Variants in FCN2 observed in about 807,000 individuals in gnomAD.
FCN2 encodes ficolin-2.
FCN2 carries 31 observed loss-of-function variants against 32.5 expected under a neutral mutation model. The ratio of observed to expected loss-of-function variants is 0.96; its 90% confidence interval spans 0.72 to 1.29. The LOEUF is 1.29. Ranked by LOEUF, FCN2 falls within the 50% of genes most tolerant of loss-of-function variation. The probability of loss-of-function intolerance (pLI) is 0.00; values close to 1 mark genes in which losing one functional copy is unlikely to be tolerated. For missense variants in FCN2, 412 were observed against 406.5 expected (o/e 1.01, Z -0.12); for synonymous variants, 181 against 164.5 (o/e 1.10, Z -0.77).
In FCN2 at chr9:134,887,376, T is replaced by C; in HGVS notation, c.903T>C (p.Tyr301=). Residue 301 remains tyrosine (Y), a synonymous_variant, in exon 8 of 8, where the codon TAT becomes TAC. Transcript: ENST00000291744. ...GGAAGTCGGGGAAAGGATACAATTATAGCTACAAGGTGTCAGAGATGAAGG... is the reference window on the plus strand; with the variant it reads ...GGAAGTCGGGGAAAGGATACAATTACAGCTACAAGGTGTCAGAGATGAAGG... ...INWKSGKGYN[Y]SYKVSEMKVR... is the part of the protein sequence containing the mutation. The C allele has an allele frequency of 3.1e-6, 5 of 1,614,086 alleles. No individual in the cohort carries two copies. The highest frequency in any genetic ancestry group is 1.6e-4 in the Middle Eastern group (1 of 6,062).
chr9:134,886,616 A>C (rs1830762415), intron 7 of FCN2, 52 bp downstream of exon 7: 11 of 1,604,848 alleles, frequency 6.9e-6, no homozygotes, highest in Admixed American at 1.7e-5. Flanking sequence ...GGGGTTTGGG[A>C]AGTGGAGAGA....
chr9:134,879,211 T>C (rs1564204971), upstream of FCN2, among the ~76,000 whole-genome samples: 2 of 152,232 alleles, frequency 1.3e-5, no homozygotes, highest in African/African-American at 2.4e-5. Context: ...AATTACTCAA[T>C]TGGCCATTTT....
Position 134,885,096 on chromosome 9 carries a change from C to T in FCN2, c.302-143C>T, listed in dbSNP as rs561309308. On this transcript the variant is annotated intron_variant, in intron 4 of 7. Transcript: ENST00000291744. ...ATCACAGCTGCGTGGCCCTGGGGGC[C>T]GTGTCCCTGTCCAGGCCTCAGAGTC... 3.7e-5 allele frequency: 46 copies of T among 1,230,000 alleles called. 1 individual carries two copies. In the African/African-American group the frequency reaches 5.3e-4, roughly 14 times the overall value. The allele number at this position is 1,230,000 out of a possible 1,614,324, so 76.2% of individuals were successfully genotyped here.
At chr9:134,868,016 GCTCAGAGGAGTTAAGTGATCTGCCA>G in the FCN2 span, among the ~76,000 whole-genome samples, 2 of 152,206 alleles carry the variant, frequency 1.3e-5, no homozygotes, top group Non-Finnish European at 2.9e-5. This position sits in a 1 kb window ranked among gnomAD's most constrained non-coding sequence, Gnocchi z 4.3. Context: ...AGAGCACAAA[GCTCAGAGGAGTTAAGTGATCTGCCA>G]CAGGACACAC....
chr9:134,868,462 T>G, the FCN2 span: 1 of 184,692 alleles, frequency 5.4e-6, no homozygotes, highest in East Asian at 1.4e-4. The surrounding 1 kb of genome is among the most constrained non-coding windows in gnomAD (Gnocchi z 4.3). Flanking sequence ...GAGATGAAGG[T>G]GCGGCCCACC....
At chr9:134,881,288 T>A (rs973567391) in intron 1 of FCN2, among the ~76,000 whole-genome samples, 1 of 152,126 alleles carries the variant, frequency 6.6e-6, no homozygotes, top group Admixed American at 6.5e-5. Context: ...ATGGTCGCCA[T>A]CACAGAGAGA....
chr9:134,869,816 C>G, the FCN2 span, among the ~76,000 whole-genome samples: 1 of 152,186 alleles, frequency 6.6e-6, no homozygotes. Flanking sequence ...CTCAGGTGCT[C>G]CTGATGCAGG....
chr9:134,871,736 G>A, the FCN2 span, among the ~76,000 whole-genome samples: 106 of 152,312 alleles, frequency 7.0e-4, 1 homozygote, highest in African/African-American at 2.1e-3. Flanking sequence ...AAGAGCCATC[G>A]GAAAGCTTAT....
Position 134,887,511 on chromosome 9 carries a change from TC to T in FCN2, c.*97del. 1 of 1,200,074 alleles carries T rather than the reference TC, an allele frequency of 8.3e-7. No individual in the cohort carries two copies. Among genetic ancestry groups the T allele is most frequent in the Non-Finnish European group, 1.2e-6 (1 of 825,572 alleles). The allele number at this position is 1,200,074 out of a possible 1,614,324, so 74.3% of individuals were successfully genotyped here. ...CTACGGTTTGTAAAAGAAACACATG[TC>T]GTGATTCTAAATTGGGTTTGTCTTG... On this transcript the variant is annotated 3_prime_UTR_variant, in exon 8 of 8. Coordinates refer to ENST00000291744, the MANE Select transcript of FCN2 (RefSeq NM_004108.3).
the FCN2 span, among the ~76,000 whole-genome samples, chr9:134,873,195 G>A: frequency 6.6e-5 from 10 of 151,720 alleles, no homozygotes; most frequent in Admixed American, 2.0e-4. Context: ...TTTATCAAAT[G>A]TATGTGATGC....
intron 7 of FCN2, 74 bp downstream of exon 7, chr9:134,886,638 G>A: frequency 1.3e-6 from 2 of 1,561,526 alleles, no homozygotes; most frequent in Admixed American, 1.7e-5. Context: ...CGTGCTCAGT[G>A]TCCTGGTAGC....
At chr9:134,874,496 G>A in the FCN2 span, among the ~76,000 whole-genome samples, 4 of 152,174 alleles carry the variant, frequency 2.6e-5, no homozygotes, top group African/African-American at 9.6e-5. Flanking sequence ...TTTCCTTTGT[G>A]CTTTTATCAA....
upstream of FCN2, among the ~76,000 whole-genome samples, chr9:134,877,934 T>C (rs192075014): frequency 6.6e-6 from 1 of 152,310 alleles, no homozygotes. Context: ...GAGATGAACA[T>C]TTGAGTCAGT....
At chr9:134,868,147 T>C in the FCN2 span, 3 of 152,008 alleles carry the variant, frequency 2.0e-5, no homozygotes, top group African/African-American at 7.3e-5. The surrounding 1 kb of genome is among the most constrained non-coding windows in gnomAD (Gnocchi z 4.3). Flanking sequence ...GCCCGAGGGG[T>C]GAGGACAGAC....
the FCN2 span, among the ~76,000 whole-genome samples, chr9:134,875,299 C>T: frequency 5.8e-4 from 88 of 152,316 alleles, no homozygotes; most frequent in Admixed American, 1.3e-3. Flanking sequence ...TACCATTCAA[C>T]GTGATGTGAA....
chr9:134,885,501 G>T, intron 5 of FCN2, 135 bp downstream of exon 5: 1 of 1,441,416 alleles, frequency 6.9e-7, no homozygotes, highest in Non-Finnish European at 9.3e-7. Flanking sequence ...GGAGATGACC[G>T]GTGGGTAAAA....
At chr9:134,875,737 C>T in the FCN2 span, among the ~76,000 whole-genome samples, 1 of 152,162 alleles carries the variant, frequency 6.6e-6, no homozygotes, top group African/African-American at 2.4e-5. Flanking sequence ...CAGTCTGCCC[C>T]TAAACTGAAC....
the FCN2 span, among the ~76,000 whole-genome samples, chr9:134,874,991 TATTC>T: frequency 6.6e-6 from 1 of 152,234 alleles, no homozygotes; most frequent in African/African-American, 2.4e-5. Flanking sequence ...TATTTCTAAT[TATTC>T]ATTGGTGATT....
chr9:134,878,150 C>T (rs1481304373), upstream of FCN2, among the ~76,000 whole-genome samples: 1 of 152,210 alleles, frequency 6.6e-6, no homozygotes, highest in East Asian at 1.9e-4. Context: ...TCTCCTTGCT[C>T]CTCAGCTTGC....
Sources: gnomAD v4.1 joint callset for allele counts (sites outside exome capture counted in the v4.1 genomes callset) on GRCh38, gnomAD v4.1.1 for gene constraint, Gnocchi (gnomAD v3.1) non-coding constraint, MANE v1.5 for transcripts, NCBI Gene and HGNC (gene_info 2026-07-23, HGNC 2026-07-21) for gene names.